NIPAL2: variants seen among roughly 807,000 people sequenced by gnomAD.
NIPAL2 encodes NIPA-like protein 2.
In NIPAL2, 43 loss-of-function variants were observed where a neutral mutation model predicts 48.9. The ratio of observed to expected loss-of-function variants is 0.88; its 90% CI spans 0.69 to 1.13. The LOEUF (loss-of-function observed/expected upper bound fraction) is 1.13, where lower values mean the gene tolerates loss of function less well. Ranked by LOEUF, NIPAL2 falls within the 50% of genes most tolerant of loss-of-function variation. The probability of loss-of-function intolerance (pLI) is 0.00; values close to 1 mark genes in which losing one functional copy is unlikely to be tolerated. For missense variants in NIPAL2, 446 were observed against 461.4 expected, an observed-to-expected ratio of 0.97 and a Z score of 0.31; for synonymous variants, 167 against 174.6, an observed-to-expected ratio of 0.96 and a Z score of 0.34.
chr8:98,234,263 CT>C (rs1463601842), intron 4 of NIPAL2, among the ~76,000 whole-genome samples: 1 of 152,078 alleles, frequency 6.6e-6, no homozygotes, highest in Non-Finnish European at 1.5e-5. Context: ...AAAAAAAAAC[CT>C]ATTTATGAAT....
In NIPAL2 at chr8:98,195,960, A is replaced by G. The variant is rs1173350757; in HGVS notation, c.926T>C (p.Val309Ala). ...QEFLGAPFLT[V>A]FIYLFGCFLS... The stretch of plus-strand genomic sequence containing the variant: ...TACTCACCCAAAAAGATATATAAAT[A>G]CAGTGAGAAAAGGAGCACCAAGGAA... The change falls in exon 9 of 11, where the codon GTA (valine) becomes GCA (alanine). Residue 309 changes from valine (V) to alanine (A), a missense_variant. Val to Ala is a moderately conservative substitution (Grantham distance 64). Transcript: ENST00000430223. 1.3e-6 allele frequency: 2 copies of G among 1,585,096 alleles called. No individual in the cohort carries two copies. The highest frequency in any genetic ancestry group is 2.2e-5 in the South Asian group (2 of 88,906).
intron 4 of NIPAL2, among the ~76,000 whole-genome samples, chr8:98,235,451 GT>G (rs1437450292): frequency 1.3e-5 from 2 of 152,170 alleles, no homozygotes; most frequent in African/African-American, 4.8e-5. Context: ...ACAATGGTCT[GT>G]GCTACTTTTG....
At chr8:98,272,466 T>TA (rs1815194884) in intron 1 of NIPAL2, among the ~76,000 whole-genome samples, 1 of 152,212 alleles carries the variant, frequency 6.6e-6, no homozygotes, top group South Asian at 2.1e-4. Flanking sequence ...TTTCATTTGA[T>TA]AAAATGCATA....
intron 3 of NIPAL2, among the ~76,000 whole-genome samples, chr8:98,249,480 T>C (rs1417470207): frequency 3.3e-5 from 5 of 151,778 alleles, no homozygotes; most frequent in East Asian, 1.9e-4. Flanking sequence ...ATGTCAGACA[T>C]ATGTCATATA....
chr8:98,232,381 G>A (rs1042362978), intron 4 of NIPAL2, among the ~76,000 whole-genome samples: 7 of 152,190 alleles, frequency 4.6e-5, no homozygotes, highest in African/African-American at 1.7e-4. Context: ...AATCAGAGTT[G>A]TGGGAAAGGT....
chr8:98,225,556 C>T (rs1812130412), intron 4 of NIPAL2, among the ~76,000 whole-genome samples: 1 of 152,238 alleles, frequency 6.6e-6, no homozygotes, highest in Non-Finnish European at 1.5e-5. Context: ...TCTGAAAAAT[C>T]TGCTGCCAGA....
chr8:98,264,229 A>T (rs1420842396), intron 1 of NIPAL2, among the ~76,000 whole-genome samples: 2 of 135,482 alleles, frequency 1.5e-5, no homozygotes, highest in Admixed American at 1.5e-4. Flanking sequence ...CAAGACAGGG[A>T]TGCCCTCTCT....
intron 4 of NIPAL2, among the ~76,000 whole-genome samples, chr8:98,227,952 C>T (rs1812260650): frequency 6.6e-6 from 1 of 152,228 alleles, no homozygotes; most frequent in African/African-American, 2.4e-5. Context: ...GTTGATTCCT[C>T]TCTGGATAGA....
rs1563486433 is a variant in NIPAL2, at chr8:98,205,260, C to T, written c.656-14G>A. ...CAGTCAATGAGGCTGAAAAAGAAAA[C>T]AAAAAACACAAATAAAGAACATATT... On this transcript the variant is annotated splice_polypyrimidine_tract_variant and intron_variant, in intron 6 of 10. Transcript: ENST00000430223. 1 of 1,593,910 alleles carries T rather than the reference C, an allele frequency of 6.3e-7. No homozygotes were observed. The highest frequency in any genetic ancestry group is 8.5e-7 in the Non-Finnish European group (1 of 1,173,120).
intron 3 of NIPAL2, among the ~76,000 whole-genome samples, chr8:98,239,537 C>G (rs900865290): frequency 6.6e-6 from 1 of 152,174 alleles, no homozygotes; most frequent in African/African-American, 2.4e-5. Context: ...CTACTTGTAT[C>G]AAATTATATC....
intron 5 of NIPAL2, 44 bp downstream of exon 5, chr8:98,222,435 G>C: frequency 6.2e-7 from 1 of 1,600,096 alleles, no homozygotes; most frequent in Non-Finnish European, 8.5e-7. Flanking sequence ...CCAGTGGTCT[G>C]GATAATATAG....
rs561513063 is a variant in NIPAL2, at chr8:98,195,572, T to A, written c.944+370A>T. 3.0e-4 allele frequency: 49 copies of A among 163,776 alleles called. 1 individual carries two copies. Among genetic ancestry groups the A allele is most frequent in the Admixed American group, 3.0e-3 (46 of 15,400 alleles). 10.1% of individuals were successfully genotyped at this position (163,776 alleles called of 1,614,324 possible). The stretch of plus-strand genomic sequence containing the variant: ...GATCTGCCCATCTTGGCCTTTTATT[T>A]TGGGCGACCCTAGAGGATCATGATT... On this transcript the variant is annotated intron_variant, in intron 9 of 10. Coordinates refer to ENST00000430223, the MANE Select transcript of NIPAL2 (RefSeq NM_001321635.2).
intron 1 of NIPAL2, among the ~76,000 whole-genome samples, chr8:98,272,153 G>A (rs568658595): frequency 6.6e-6 from 1 of 152,196 alleles, no homozygotes; most frequent in South Asian, 2.1e-4. Flanking sequence ...GAACCTGAGA[G>A]GTTTAAGTTA....
rs942249202 is a variant in NIPAL2 at position 98,203,197 on chromosome 8, C to A, written c.792-1G>T. ...GAGTTTCGTGGCTTGATTCAGGAACCTAGGGCAGAAGGCACTTACTGGAGC... is the reference window on the plus strand; with the variant it reads ...GAGTTTCGTGGCTTGATTCAGGAACATAGGGCAGAAGGCACTTACTGGAGC... On this transcript the variant is annotated splice_acceptor_variant, in intron 7 of 10. Transcript: ENST00000430223. LOFTEE classifies it high-confidence loss of function. 1.1e-5 allele frequency: 17 copies of A among 1,613,252 alleles called. No homozygotes were observed. Among genetic ancestry groups the A allele is most frequent in the Middle Eastern group, 1.7e-4 (1 of 6,060 alleles).
At chr8:98,292,625 A>G (rs1002357892) in intron 1 of NIPAL2, among the ~76,000 whole-genome samples, 1 of 152,198 alleles carries the variant, frequency 6.6e-6, no homozygotes, top group African/African-American at 2.4e-5. Flanking sequence ...AGCCAAGACA[A>G]TCAAGAATTC....
chr8:98,199,336 T>C (rs1810702478), intron 8 of NIPAL2, among the ~76,000 whole-genome samples: 1 of 152,210 alleles, frequency 6.6e-6, no homozygotes, highest in South Asian at 2.1e-4. Context: ...TCTTGGCTTT[T>C]GACATGCCTT....
rs73281901 is a variant in NIPAL2, at chr8:98,194,233, G to A, written c.1039+495C>T. Among the ~76,000 whole-genome samples, 784 of 152,254 alleles carry A rather than the reference G, an allele frequency of 5.1e-3. 4 individuals carry two copies. The highest frequency in any genetic ancestry group is 0.018 in the African/African-American group (748 of 41,536). On this transcript the variant is annotated intron_variant, in intron 10 of 10. Coordinates refer to ENST00000430223, the MANE Select transcript of NIPAL2 (RefSeq NM_001321635.2). ...GTTATTTCTCAGTGAGAGTGAGAAC[G>A]GGAAAGAGTGTTTGCTCTCTGGGTA...
intron 1 of NIPAL2, among the ~76,000 whole-genome samples, chr8:98,270,766 T>TTGC (rs148187422): frequency 0.028 from 4,238 of 152,260 alleles, 195 homozygotes; most frequent in African/African-American, 0.097. Flanking sequence ...TCAAAATTCT[T>TTGC]TGCCTAGGCC....
chr8:98,222,500 T>C lies in NIPAL2; in HGVS notation c.537A>G (p.Gly179=). Residue 179 remains glycine, a synonymous_variant, in exon 5 of 11, where the codon GGA becomes GGG. Transcript: ENST00000430223. The part of the protein sequence containing the change: ...SARTVQYYLV[G]WQFLIYVILE... The stretch of plus-strand genomic sequence containing the variant: ...TTACCACATAGATCAGGAACTGCCA[T>C]CCGACAAGGTAATACTGTACTGTTC... The C allele has an allele frequency of 1.9e-6, 3 of 1,613,598 alleles. No homozygotes were observed. Among genetic ancestry groups the C allele is most frequent in the Non-Finnish European group, 2.5e-6 (3 of 1,179,880 alleles).
Sources: gnomAD v4.1 joint callset for allele counts (sites outside exome capture counted in the v4.1 genomes callset) on GRCh38, gnomAD v4.1.1 for gene constraint, MANE v1.5 for transcripts, NCBI Gene and HGNC (gene_info 2026-07-23, HGNC 2026-07-21) for gene names.